DLG1: variants seen among roughly 807,000 people sequenced by gnomAD.
DLG1 encodes disks large homolog 1.
In DLG1, 42 loss-of-function variants were observed where a neutral mutation model predicts 123.4. The ratio of observed to expected loss-of-function variants is 0.34; its 90% CI spans 0.27 to 0.44. DLG1 has a LOEUF of 0.44. Among genes scored for constraint, DLG1 ranks in the 20% least tolerant of loss-of-function variants. The pLI is 1.00. For synonymous variants in DLG1, 317 were observed against 356.2 expected (o/e 0.89, Z 1.24); for missense variants, 942 against 1,082.6 (o/e 0.87, Z 1.82).
At chr3:197,249,058 C>G (rs1251869857) in intron 4 of DLG1, among the ~76,000 whole-genome samples, 1 of 152,000 alleles carries the variant, frequency 6.6e-6, no homozygotes, top group Non-Finnish European at 1.5e-5. Flanking sequence ...CAAACCAAAT[C>G]TAAAATTGGT....
intron 5 of DLG1, among the ~76,000 whole-genome samples, chr3:197,170,501 G>C (rs1349579662): frequency 6.6e-6 from 1 of 152,072 alleles, no homozygotes; most frequent in South Asian, 2.1e-4. Flanking sequence ...TTTCTCTAAT[G>C]ATCAGTGACG....
intron 4 of DLG1, among the ~76,000 whole-genome samples, chr3:197,195,251 A>G (rs974048447): frequency 6.6e-6 from 1 of 152,100 alleles, no homozygotes; most frequent in African/African-American, 2.4e-5. Flanking sequence ...AAGAATTTCA[A>G]CAAGAAACCA....
chr3:197,057,598 A>T (rs1732671207), intron 23 of DLG1, among the ~76,000 whole-genome samples: 1 of 152,222 alleles, frequency 6.6e-6, no homozygotes, highest in Non-Finnish European at 1.5e-5. Context: ...GTTGTTCCAC[A>T]TCTTTGCCAG....
At chr3:197,278,609 T>A (rs914100347) in intron 4 of DLG1, among the ~76,000 whole-genome samples, 51 of 151,968 alleles carry the variant, frequency 3.4e-4, no homozygotes, top group Non-Finnish European at 6.6e-4. Context: ...ACAAAAAAAA[T>A]TTTTTTAAGA....
intron 4 of DLG1, among the ~76,000 whole-genome samples, chr3:197,276,042 A>C (rs977359221): frequency 6.6e-6 from 1 of 152,206 alleles, no homozygotes; most frequent in Non-Finnish European, 1.5e-5. Context: ...TTGAAAGCAG[A>C]CTATGTGTAT....
At chr3:197,143,136 C>T (rs1227726176) in intron 6 of DLG1, among the ~76,000 whole-genome samples, 1 of 152,190 alleles carries the variant, frequency 6.6e-6, no homozygotes, top group East Asian at 1.9e-4. Context: ...ATTTCTAATA[C>T]CTTTGTTCAG....
intron 6 of DLG1, 181 bp from the exon 7 acceptor site, chr3:197,142,949 T>G: frequency 1.7e-6 from 1 of 573,090 alleles, no homozygotes; most frequent in East Asian, 3.1e-5. Context: ...CAAATGTGAT[T>G]AATGAGTTGA....
At chr3:197,157,498 A>C (rs1416050940) in intron 5 of DLG1, among the ~76,000 whole-genome samples, 1 of 152,206 alleles carries the variant, frequency 6.6e-6, no homozygotes, top group Non-Finnish European at 1.5e-5. Context: ...AGAAAGTAAA[A>C]AACTTGGGCA....
At chr3:197,165,588 A>G (rs1801009971) in intron 5 of DLG1, among the ~76,000 whole-genome samples, 1 of 152,204 alleles carries the variant, frequency 6.6e-6, no homozygotes, top group Non-Finnish European at 1.5e-5. Context: ...GACTCCAATC[A>G]CCATTTATAT....
chr3:197,257,929 A>G (rs960853332), intron 4 of DLG1, among the ~76,000 whole-genome samples: 1 of 152,194 alleles, frequency 6.6e-6, no homozygotes, highest in Non-Finnish European at 1.5e-5. Context: ...CTCCACCTCA[A>G]CGGACATGTT....
chr3:197,140,328 A>G (rs1252910923), intron 7 of DLG1, 64 bp from the exon 8 acceptor site: 1 of 1,534,040 alleles, frequency 6.5e-7, no homozygotes, highest in East Asian at 2.3e-5. Flanking sequence ...GGTTCCTGTC[A>G]TTAAAGGACG....
chr3:197,237,211 T>C (rs1281502709), intron 4 of DLG1, among the ~76,000 whole-genome samples: 1 of 152,142 alleles, frequency 6.6e-6, no homozygotes, highest in Non-Finnish European at 1.5e-5. Context: ...GGCCATTATA[T>C]ATAAAACAAA....
At chr3:197,179,938 C>T (rs7651459) in intron 5 of DLG1, among the ~76,000 whole-genome samples, 1 of 151,860 alleles carries the variant, frequency 6.6e-6, no homozygotes, top group African/African-American at 2.4e-5. Context: ...TTCAACTCAG[C>T]TAATATTTAC....
intron 8 of DLG1, 21 bp downstream of exon 8, chr3:197,140,119 A>G (rs753376454): frequency 6.2e-7 from 1 of 1,607,174 alleles, no homozygotes; most frequent in South Asian, 1.1e-5. Context: ...TCAGCATCAC[A>G]ATAAAAAGCG....
chr3:197,066,669 T>A (rs374054206), intron 20 of DLG1, 35 bp downstream of exon 20: 1 of 1,502,960 alleles, frequency 6.7e-7, no homozygotes, highest in Non-Finnish European at 9.1e-7. Context: ...TATATTCTTC[T>A]AGAAGGTTAT....
intron 4 of DLG1, among the ~76,000 whole-genome samples, chr3:197,196,913 T>C (rs1722832478): frequency 6.6e-6 from 1 of 152,222 alleles, no homozygotes; most frequent in Non-Finnish European, 1.5e-5. Flanking sequence ...ACTGTATGTA[T>C]GTATCATTAT....
At chr3:197,058,792 C>T (rs1035142786) in intron 23 of DLG1, among the ~76,000 whole-genome samples, 2 of 152,070 alleles carry the variant, frequency 1.3e-5, no homozygotes, top group Non-Finnish European at 2.9e-5. Context: ...CTGTCCCTCT[C>T]GATGATGTTG....
chr3:197,107,516 G>C (rs1767200843), intron 13 of DLG1, among the ~76,000 whole-genome samples: 1 of 151,892 alleles, frequency 6.6e-6, no homozygotes, highest in African/African-American at 2.4e-5. Flanking sequence ...CTGCACTCCA[G>C]CCTGGGCGAC....
chr3:197,120,002 G>A (rs1235520417), intron 11 of DLG1, among the ~76,000 whole-genome samples: 1 of 152,186 alleles, frequency 6.6e-6, no homozygotes, highest in Non-Finnish European at 1.5e-5. Flanking sequence ...GCTCACGCCT[G>A]TAACCCTAGC....
Sources: gnomAD v4.1 joint callset for allele counts (sites outside exome capture counted in the v4.1 genomes callset) on GRCh38, gnomAD v4.1.1 for gene constraint, MANE v1.5 for transcripts, NCBI Gene and HGNC (gene_info 2026-07-23, HGNC 2026-07-21) for gene names.